CSMD3: variants seen among roughly 807,000 people sequenced by gnomAD.
CSMD3 encodes the protein CUB and Sushi multiple domains 3.
A neutral mutation model predicts 435.2 loss-of-function variants in CSMD3; 177 were observed. The ratio of observed to expected loss-of-function variants is 0.41; its 90% CI spans 0.36 to 0.46. The LOEUF (loss-of-function observed/expected upper bound fraction) is 0.46, where lower values mean the gene tolerates loss of function less well. Among genes scored for constraint, CSMD3 ranks in the 20% least tolerant of loss-of-function variants. CSMD3 has a pLI of 0.34. For missense variants in CSMD3, 4,265 were observed against 4,504.6 expected (o/e 0.95, Z 1.52); for synonymous variants, 1,656 against 1,520.5 (o/e 1.09, Z -2.07).
chr8:112,543,342 C>T (rs1157192238), intron 27 of CSMD3, among the ~76,000 whole-genome samples: 1 of 152,022 alleles, frequency 6.6e-6, no homozygotes, highest in Non-Finnish European at 1.5e-5. Context: ...TCAAGCCATA[C>T]ATCTAATAAT....
intron 9 of CSMD3, among the ~76,000 whole-genome samples, chr8:112,928,341 C>A (rs1371436805): frequency 6.6e-6 from 1 of 152,108 alleles, no homozygotes; most frequent in Non-Finnish European, 1.5e-5. Flanking sequence ...TAATTTCAAA[C>A]CTTCAAGAGA....
chr8:112,319,097 C>T, intron 46 of CSMD3, 147 bp from the exon 47 acceptor site: 4 of 660,310 alleles, frequency 6.1e-6, no homozygotes, highest in Non-Finnish European at 1.1e-5. Context: ...GAGTTATATT[C>T]AAAATATTGA....
chr8:112,422,611 A>G (rs1160431807), intron 32 of CSMD3, among the ~76,000 whole-genome samples: 1 of 152,154 alleles, frequency 6.6e-6, no homozygotes, highest in Non-Finnish European at 1.5e-5. Flanking sequence ...CTGCAAAATA[A>G]TACCCACTCC....
intron 32 of CSMD3, among the ~76,000 whole-genome samples, chr8:112,431,450 T>G (rs1399889705): frequency 1.3e-5 from 2 of 152,110 alleles, no homozygotes; most frequent in Non-Finnish European, 2.9e-5. Flanking sequence ...ATGTATTTTA[T>G]ACATAAAACA....
At chr8:113,307,028 T>A (rs567130372) in intron 2 of CSMD3, among the ~76,000 whole-genome samples, 1 of 151,948 alleles carries the variant, frequency 6.6e-6, no homozygotes, top group African/African-American at 2.4e-5. Context: ...AAGGAATATA[T>A]AAAGTTCAGA....
At chr8:112,540,912 G>A (rs2602174) in intron 27 of CSMD3, among the ~76,000 whole-genome samples, 2 of 152,026 alleles carry the variant, frequency 1.3e-5, no homozygotes, top group East Asian at 3.9e-4. Flanking sequence ...ATAGCTAGAA[G>A]AGAATATTTA....
At chr8:112,347,394 G>A (rs555292941) in intron 40 of CSMD3, among the ~76,000 whole-genome samples, 4 of 152,000 alleles carry the variant, frequency 2.6e-5, no homozygotes, top group East Asian at 1.9e-4. Flanking sequence ...ATTTGCAATC[G>A]CATCCATTTA....
At chr8:112,544,041 T>C (rs1826929737) in intron 27 of CSMD3, among the ~76,000 whole-genome samples, 1 of 152,116 alleles carries the variant, frequency 6.6e-6, no homozygotes, top group South Asian at 2.1e-4. Context: ...AATCAGAGCC[T>C]GAAATGGTTT....
chr8:112,751,253 G>A (rs987684572), intron 13 of CSMD3, among the ~76,000 whole-genome samples: 2 of 152,016 alleles, frequency 1.3e-5, no homozygotes, highest in Non-Finnish European at 2.9e-5. Context: ...GACTAATACA[G>A]TTCCCAACAT....
intron 45 of CSMD3, 62 bp downstream of exon 45, chr8:112,335,267 A>C: frequency 1.4e-6 from 2 of 1,479,310 alleles, no homozygotes; most frequent in Non-Finnish European, 1.9e-6. Flanking sequence ...TATTACATTC[A>C]CTTTTTTCCA....
chr8:112,724,670 G>A (rs1316509663), intron 13 of CSMD3, among the ~76,000 whole-genome samples: 1 of 152,036 alleles, frequency 6.6e-6, no homozygotes, highest in Non-Finnish European at 1.5e-5. Context: ...GCATATTTGG[G>A]CTGGCAGTGT....
chr8:112,438,013 G>A (rs1038949872), intron 32 of CSMD3, among the ~76,000 whole-genome samples: 11 of 151,936 alleles, frequency 7.2e-5, no homozygotes, highest in African/African-American at 2.4e-4. Flanking sequence ...ACCCTCGAAG[G>A]GCAGAAACAT....
intron 1 of CSMD3, among the ~76,000 whole-genome samples, chr8:113,416,349 G>T (rs969858523): frequency 6.6e-6 from 1 of 151,918 alleles, no homozygotes; most frequent in Non-Finnish European, 1.5e-5. Flanking sequence ...ATATTATCTT[G>T]CTTGCCAATA....
At chr8:113,038,468 AG>A (rs539237875) in intron 5 of CSMD3, among the ~76,000 whole-genome samples, 96 of 152,344 alleles carry the variant, frequency 6.3e-4, no homozygotes, top group Non-Finnish European at 1.3e-3. Context: ...GAGACATCAC[AG>A]AATAGAATTT....
rs747508555 is a variant in CSMD3 at position 112,224,811 on chromosome 8, C to A, written c.11084G>T (p.Arg3695Leu). 6.2e-7 allele frequency: 1 copy of A among 1,614,010 alleles called. No homozygotes were observed. The highest frequency in any genetic ancestry group is 8.5e-7 in the Non-Finnish European group (1 of 1,179,902). ...AACCGTGTTCAAGTTGGGATCAAAT[C>A]GTACCGCCTTCCCTTCCACTGACTT... ...NAKSVEGKAV[R>L]FDPNLNTVCT... Residue 3695 changes from arginine to leucine, a missense_variant, in exon 71 of 71, where the codon CGA becomes CTA. Around this residue, in one of 3 missense-constraint regions of CSMD3, gnomAD observed 3,255 missense variants for 3,380.2 expected, o/e 0.96. Transcript: ENST00000297405.
At chr8:112,290,233 C>T (rs977616778) in intron 56 of CSMD3, among the ~76,000 whole-genome samples, 1 of 151,942 alleles carries the variant, frequency 6.6e-6, no homozygotes, top group Non-Finnish European at 1.5e-5. Context: ...TAGTTGTACT[C>T]AGAGAAATAC....
intron 22 of CSMD3, among the ~76,000 whole-genome samples, chr8:112,604,011 A>C (rs879395977): frequency 6.6e-6 from 1 of 152,172 alleles, no homozygotes; most frequent in East Asian, 1.9e-4. Context: ...TTATTGAATA[A>C]ATAATATTAA....
chr8:112,508,090 C>G (rs1328179528), intron 28 of CSMD3, among the ~76,000 whole-genome samples: 1 of 152,136 alleles, frequency 6.6e-6, no homozygotes, highest in East Asian at 1.9e-4. Flanking sequence ...CAAGATATCA[C>G]CGTCAACCTG....
intron 27 of CSMD3, among the ~76,000 whole-genome samples, chr8:112,531,141 CG>C (rs1350295658): frequency 6.6e-6 from 1 of 151,978 alleles, no homozygotes; most frequent in African/African-American, 2.4e-5. Context: ...GGGAAGAGTA[CG>C]GGGGACTTTG....
Sources: gnomAD v4.1 joint callset for allele counts (sites outside exome capture counted in the v4.1 genomes callset) on GRCh38, gnomAD v4.1.1 for gene constraint, gnomAD v4.1.1 regional missense constraint, MANE v1.5 for transcripts, NCBI Gene and HGNC (gene_info 2026-07-23, HGNC 2026-07-21) for gene names.